CEP57L1: variants seen among roughly 807,000 people sequenced by gnomAD.
The protein encoded by CEP57L1 is centrosomal protein 57 like 1, also known as centrosomal protein CEP57L1.
CEP57L1 carries 37 observed loss-of-function variants against 61.0 expected under a neutral mutation model. The ratio of observed to expected loss-of-function variants is 0.61; its 90% confidence interval spans 0.47 to 0.80. The LOEUF is 0.80. Ranked by LOEUF, CEP57L1 falls within the 30% of genes least tolerant of loss-of-function variation. The probability of loss-of-function intolerance (pLI) is 0.00; values close to 1 mark genes in which losing one functional copy is unlikely to be tolerated. For synonymous variants in CEP57L1, 137 were observed against 162.3 expected, an observed-to-expected ratio of 0.84 and a Z score of 1.19; for missense variants, 422 against 524.7, an observed-to-expected ratio of 0.80 and a Z score of 1.91.
intron 1 of CEP57L1, among the ~76,000 whole-genome samples, chr6:109,113,973 T>C (rs1771985753): frequency 6.6e-6 from 1 of 152,176 alleles, no homozygotes; most frequent in African/African-American, 2.4e-5. Context: ...TTAGGTTGTT[T>C]GTATATATTT....
intron 1 of CEP57L1, among the ~76,000 whole-genome samples, chr6:109,133,094 G>A (rs1041232586): frequency 1.3e-5 from 2 of 152,008 alleles, no homozygotes; most frequent in Admixed American, 1.3e-4. Flanking sequence ...TATAATAATT[G>A]CTAACATGTA....
intron 1 of CEP57L1, among the ~76,000 whole-genome samples, chr6:109,133,373 C>T (rs771429517): frequency 6.6e-6 from 1 of 152,074 alleles, no homozygotes; most frequent in South Asian, 2.1e-4. Context: ...GGTTTGCGCT[C>T]CTATGAAAAT....
At chr6:109,151,947 C>CA (rs1772657796) in intron 4 of CEP57L1, among the ~76,000 whole-genome samples, 1 of 152,022 alleles carries the variant, frequency 6.6e-6, no homozygotes. Context: ...TAGTTTTCAA[C>CA]AATATGTTGC....
chr6:109,128,584 T>G (rs771250681), intron 1 of CEP57L1, among the ~76,000 whole-genome samples: 1 of 152,170 alleles, frequency 6.6e-6, no homozygotes, highest in Non-Finnish European at 1.5e-5. Flanking sequence ...TTATTCCCTT[T>G]TATGTCCTTA....
chr6:109,096,965 C>T (rs1670096682), intron 1 of CEP57L1, among the ~76,000 whole-genome samples: 1 of 152,334 alleles, frequency 6.6e-6, no homozygotes. Flanking sequence ...TCAGCTTTCA[C>T]AATATCTCTT....
At chr6:109,145,603 C>G (rs770778112) in intron 2 of CEP57L1, among the ~76,000 whole-genome samples, 7 of 151,832 alleles carry the variant, frequency 4.6e-5, no homozygotes, top group Non-Finnish European at 8.8e-5. Flanking sequence ...GGACACATAT[C>G]ACAGAGTTAT....
intron 1 of CEP57L1, among the ~76,000 whole-genome samples, chr6:109,138,914 A>G (rs1771038006): frequency 6.6e-6 from 1 of 152,208 alleles, no homozygotes; most frequent in African/African-American, 2.4e-5. Flanking sequence ...TAGAAGATTC[A>G]TTCTTACTGT....
intron 1 of CEP57L1, among the ~76,000 whole-genome samples, chr6:109,119,961 T>A (rs1251927204): frequency 6.6e-6 from 1 of 152,188 alleles, no homozygotes; most frequent in African/African-American, 2.4e-5. Flanking sequence ...TGCACATCAG[T>A]GATTTTACTG....
rs769064969 is a variant in CEP57L1, at chr6:109,168,346, A to G, written c.*5376A>G. ...GTAAATGGAGAAGTGGGGGAAAATC[A>G]AGCAATAATCACTTAGACTAAAACA... On this transcript the variant is annotated 3_prime_UTR_variant, in exon 11 of 11. Coordinates refer to ENST00000517392, the MANE Select transcript of CEP57L1 (RefSeq NM_001271852.3). Among the ~76,000 whole-genome samples the G allele has an allele frequency of 7.2e-5, 11 of 152,226 alleles. No individual in the cohort carries two copies. The highest frequency in any genetic ancestry group is 1.5e-4 in the Non-Finnish European group (10 of 68,032).
chr6:109,099,699 G>T (rs573873552), intron 1 of CEP57L1, among the ~76,000 whole-genome samples: 1 of 152,010 alleles, frequency 6.6e-6, no homozygotes, highest in Admixed American at 6.6e-5. Flanking sequence ...ACAGACACCC[G>T]CCACCATGCC....
At chr6:109,130,660 TTTG>T (rs1419169843) in intron 1 of CEP57L1, 3 of 148,132 alleles carry the variant, frequency 2.0e-5, no homozygotes, top group African/African-American at 7.7e-5. Flanking sequence ...CTCTGCTGGT[TTTG>T]TTTTTTTTTT....
At chr6:109,110,045 G>T (rs1408222939) in intron 1 of CEP57L1, among the ~76,000 whole-genome samples, 1 of 152,136 alleles carries the variant, frequency 6.6e-6, no homozygotes, top group Non-Finnish European at 1.5e-5. Flanking sequence ...AATCCTTTGG[G>T]TATATGCCCA....
intron 1 of CEP57L1, among the ~76,000 whole-genome samples, chr6:109,115,741 T>G (rs13219601): frequency 1.3e-5 from 2 of 152,198 alleles, no homozygotes; most frequent in African/African-American, 4.8e-5. Flanking sequence ...ATTCATTTTT[T>G]ATACATATTC....
chr6:109,145,279 G>A lies in CEP57L1; in HGVS notation c.58G>A (p.Val20Ile), dbSNP rs758560924. Residue 20 changes from valine (V) to isoleucine (I), a missense_variant, in exon 2 of 11, where the codon GTA becomes ATA. By Grantham distance (29) the Val-to-Ile change is conservative (BLOSUM62 3). Coordinates refer to ENST00000517392, the MANE Select transcript of CEP57L1 (RefSeq NM_001271852.3). ...AAGCTATCATAAACCTCCAGAAAGA[G>A]TATTTGTTCCCTCATTCACCCAGAA... is the stretch of plus-strand genomic sequence containing the variant. ...VGSYHKPPER[V>I]FVPSFTQNEP... 12 of 1,606,976 alleles carry A rather than the reference G, an allele frequency of 7.5e-6. No homozygotes were observed. The South Asian group carries it at 1.3e-4, about 18-fold the overall frequency.
chr6:109,111,599 C>A (rs1195308110), intron 1 of CEP57L1, among the ~76,000 whole-genome samples: 1 of 152,132 alleles, frequency 6.6e-6, no homozygotes, highest in Non-Finnish European at 1.5e-5. Context: ...TTGTCTTCTG[C>A]CGGTTTTCAA....
At chr6:109,112,979 A>G (rs1315791716) in intron 1 of CEP57L1, among the ~76,000 whole-genome samples, 1 of 152,128 alleles carries the variant, frequency 6.6e-6, no homozygotes, top group Non-Finnish European at 1.5e-5. Flanking sequence ...AGAGGAATGT[A>G]TATTCTGTTG....
At chr6:109,160,875 C>T in intron 10 of CEP57L1, 159 bp downstream of exon 10, 1 of 584,078 alleles carries the variant, frequency 1.7e-6, no homozygotes, top group Non-Finnish European at 2.7e-6. Flanking sequence ...AGCCATCTGT[C>T]CCATTGGAAT....
rs74416220 is a variant in CEP57L1, at chr6:109,105,436, G to A, written c.-4+9861G>A. The stretch of plus-strand genomic sequence containing the variant: ...ATATTGGCATAGTGAATATTGAATA[G>A]CCAATCCTTTCTCCATGTAAATGCC... On this transcript the variant is annotated intron_variant, in intron 1 of 10. Coordinates refer to ENST00000517392, the MANE Select transcript of CEP57L1 (RefSeq NM_001271852.3). 2.7e-3 allele frequency among the ~76,000 whole-genome samples: 412 copies of A among 152,228 alleles called. 1 individual carries two copies. Among genetic ancestry groups the A allele is most frequent in the African/African-American group, 9.5e-3 (396 of 41,550 alleles).
At chr6:109,136,720 ATTTT>A (rs1770758836) in intron 1 of CEP57L1, among the ~76,000 whole-genome samples, 1 of 139,744 alleles carries the variant, frequency 7.2e-6, no homozygotes, top group African/African-American at 3.0e-5. Context: ...ATTTTATTTT[ATTTT>A]ATTTTATTTT....
Sources: gnomAD v4.1 joint callset for allele counts (sites outside exome capture counted in the v4.1 genomes callset) on GRCh38, gnomAD v4.1.1 for gene constraint, MANE v1.5 for transcripts, NCBI Gene and HGNC (gene_info 2026-07-23, HGNC 2026-07-21) for gene names.